The following CHRNA7 variants were observed in gnomAD, a reference collection of about 807,000 sequenced individuals.
CHRNA7 encodes cholinergic receptor nicotinic alpha 7 subunit, also known as neuronal acetylcholine receptor subunit alpha-7.
In CHRNA7, 17 loss-of-function variants were observed where a neutral mutation model predicts 48.0. The ratio of observed to expected loss-of-function variants is 0.35; its 90% CI spans 0.24 to 0.53. The LOEUF is 0.53. CHRNA7 is among the 20% of genes least tolerant of loss of function. The probability of loss-of-function intolerance (pLI) is 0.92; values close to 1 mark genes in which losing one functional copy is unlikely to be tolerated. For missense variants in CHRNA7, 155 were observed against 577.7 expected (o/e 0.27, Z 7.50); for synonymous variants, 75 against 242.3 (o/e 0.31, Z 6.41).
rs35118714 is a variant in CHRNA7, at chr15:32,066,284, ATT to A, written c.196-35005_196-35004del. Reference sequence around the variant, plus strand: ...CTTTCCAGATTTTTCACATTATAGTATTTTTTTTTTTTTTTGAGATGGAGTCT... The same window carrying A: ...CTTTCCAGATTTTTCACATTATAGTATTTTTTTTTTTTTGAGATGGAGTCT... On this transcript the variant is annotated intron_variant, in intron 2 of 9. Transcript: ENST00000306901. Among the ~76,000 whole-genome samples, 383 of 145,576 alleles carry A rather than the reference ATT, an allele frequency of 2.6e-3. 1 individual carries two copies. Among genetic ancestry groups the A allele is most frequent in the South Asian group, 0.02 (89 of 4,542 alleles).
rs139509839 is a variant in CHRNA7 at position 32,105,818 on chromosome 15, G to A, written c.240+4471G>A. Among the ~76,000 whole-genome samples the A allele has an allele frequency of 9.3e-3, 1,418 of 152,288 alleles. 11 individuals carry two copies. Among genetic ancestry groups the A allele is most frequent in the Non-Finnish European group, 0.014 (981 of 68,008 alleles). On this transcript the variant is annotated intron_variant, in intron 3 of 9. Coordinates refer to ENST00000306901, the MANE Select transcript of CHRNA7 (RefSeq NM_000746.6). Reference sequence around the variant, plus strand: ...GGGTGATAACATTTATCTGGAAAGCGGCACCTGTAGATGATCTAGCAGTTG... The same window carrying A: ...GGGTGATAACATTTATCTGGAAAGCAGCACCTGTAGATGATCTAGCAGTTG...
At chr15:32,116,680 G>GGAT (rs1282242466) in intron 4 of CHRNA7, among the ~76,000 whole-genome samples, 2 of 152,184 alleles carry the variant, frequency 1.3e-5, no homozygotes, top group African/African-American at 4.8e-5. Flanking sequence ...GCAACTCTGC[G>GGAT]GATGCCCCTA....
At chr15:32,150,095 A>T (rs920476141) in intron 4 of CHRNA7, among the ~76,000 whole-genome samples, 1 of 152,134 alleles carries the variant, frequency 6.6e-6, no homozygotes, top group East Asian at 1.9e-4. Flanking sequence ...TCTGTCTCCT[A>T]GGCTGGAGGA....
At chr15:32,142,712 G>T (rs963330177) in intron 4 of CHRNA7, among the ~76,000 whole-genome samples, 1 of 152,192 alleles carries the variant, frequency 6.6e-6, no homozygotes, top group African/African-American at 2.4e-5. Flanking sequence ...GTATAGAGGT[G>T]TTTATAGTAT....
intron 2 of CHRNA7, among the ~76,000 whole-genome samples, chr15:32,051,040 G>A (rs1483272117): frequency 1.5e-5 from 2 of 136,650 alleles, no homozygotes; most frequent in Non-Finnish European, 1.5e-5. Flanking sequence ...GCCGTGTGAG[G>A]TGTCAGTCTG....
chr15:32,144,708 G>A (rs567987747), intron 4 of CHRNA7, among the ~76,000 whole-genome samples: 10 of 152,066 alleles, frequency 6.6e-5, no homozygotes, highest in Middle Eastern at 3.4e-3. Flanking sequence ...TGATCGAATC[G>A]GCTATTGAAG....
chr15:32,150,948 G>T (rs555120976), intron 4 of CHRNA7, among the ~76,000 whole-genome samples: 48 of 150,020 alleles, frequency 3.2e-4, no homozygotes, highest in African/African-American at 9.0e-4. Context: ...TGGAAGTAAG[G>T]GGGGGGGATG....
intron 4 of CHRNA7, among the ~76,000 whole-genome samples, chr15:32,125,047 C>T (rs974156869): frequency 6.6e-6 from 1 of 152,114 alleles, no homozygotes; most frequent in Non-Finnish European, 1.5e-5. Context: ...GGGTGGATGC[C>T]CTAGCCGGAG....
intron 2 of CHRNA7, among the ~76,000 whole-genome samples, chr15:32,074,939 G>A (rs573444253): frequency 1.5e-4 from 23 of 152,216 alleles, no homozygotes; most frequent in African/African-American, 3.6e-4. Context: ...ATGTGCCACC[G>A]CGGCTGGCCA....
At position 32,101,572 on chromosome 15, in the gene CHRNA7, A is replaced by T. The variant is rs149059351; in HGVS notation, c.240+225A>T. The T allele has an allele frequency of 1.8e-4, 95 of 532,530 alleles. 2 individuals are homozygous for T. The Middle Eastern group carries it at 2.4e-3, about 13-fold the overall frequency. The allele number at this position is 532,530 out of a possible 1,614,324, so 33.0% of individuals were successfully genotyped here. The stretch of plus-strand genomic sequence containing the variant: ...CTCAACACATGCACAAGATCAACAC[A>T]TAGGACAAGGTAATGTGGGGACACT... On this transcript the variant is annotated intron_variant, in intron 3 of 9. Coordinates refer to ENST00000306901, the MANE Select transcript of CHRNA7 (RefSeq NM_000746.6).
chr15:32,065,437 C>A (rs1026842772), intron 2 of CHRNA7, among the ~76,000 whole-genome samples: 4 of 152,204 alleles, frequency 2.6e-5, no homozygotes, highest in African/African-American at 9.7e-5. Flanking sequence ...AAAGCCTTTT[C>A]CCTGGGTTGT....
intron 2 of CHRNA7, among the ~76,000 whole-genome samples, chr15:32,031,322 C>G (rs1595365284): frequency 6.6e-6 from 1 of 152,224 alleles, no homozygotes; most frequent in Admixed American, 6.5e-5. Flanking sequence ...GTTAGAAACT[C>G]AAGCATCCTG....
intron 2 of CHRNA7, among the ~76,000 whole-genome samples, chr15:32,097,592 AT>A: frequency 6.6e-6 from 1 of 152,254 alleles, no homozygotes; most frequent in African/African-American, 2.4e-5. Context: ...ACAAACTTCT[AT>A]TTTTTATAAG....
intron 2 of CHRNA7, among the ~76,000 whole-genome samples, chr15:32,049,155 A>G (rs978155629): frequency 2.6e-4 from 39 of 151,968 alleles, no homozygotes; most frequent in African/African-American, 7.7e-4. Flanking sequence ...GTAGATGTCT[A>G]TTAGGTCTGC....
intron 4 of CHRNA7, among the ~76,000 whole-genome samples, chr15:32,134,055 A>G (rs957564434): frequency 9.2e-5 from 14 of 152,222 alleles, no homozygotes; most frequent in African/African-American, 3.1e-4. Context: ...TGTGCAGGCA[A>G]TGCTGTGAGA....
intron 4 of CHRNA7, among the ~76,000 whole-genome samples, chr15:32,152,537 G>A (rs560472200): frequency 5.9e-4 from 90 of 152,334 alleles, no homozygotes; most frequent in African/African-American, 2.1e-3. Flanking sequence ...AGCAAGGGCC[G>A]TCCTTCATTG....
intron 2 of CHRNA7, among the ~76,000 whole-genome samples, chr15:32,074,116 G>A (rs1224398456): frequency 1.3e-5 from 2 of 150,894 alleles, no homozygotes; most frequent in African/African-American, 4.9e-5. Context: ...ATGTCCATAT[G>A]CTCATTGCTG....
chr15:32,149,348 G>A lies in CHRNA7; in HGVS notation c.351-4559G>A, dbSNP rs1375240257. ...ACTGGTGAGGGGGTCACTGTTGGCTGGCATCTGTCGGGCATCCCCGGGGAA... is the reference window on the plus strand; with the variant it reads ...ACTGGTGAGGGGGTCACTGTTGGCTAGCATCTGTCGGGCATCCCCGGGGAA... On this transcript the variant is annotated intron_variant, in intron 4 of 9. Coordinates refer to ENST00000306901, the MANE Select transcript of CHRNA7 (RefSeq NM_000746.6). This position sits in a 1 kb window ranked among gnomAD's most constrained non-coding sequence, Gnocchi z 4.6. Among the ~76,000 whole-genome samples the A allele has an allele frequency of 6.6e-6, 1 of 152,186 alleles. No individual in the cohort carries two copies. The highest frequency in any genetic ancestry group is 6.5e-5 in the Admixed American group (1 of 15,290).
Position 32,079,524 on chromosome 15 carries a change from A to G in CHRNA7, c.196-21779A>G, listed in dbSNP as rs879721704. ...ATAACAACAGACAGAGAGCCAAATC[A>G]TGAATGAACTCCCATTCACAATTGC... On this transcript the variant is annotated intron_variant, in intron 2 of 9. Transcript: ENST00000306901. Among the ~76,000 whole-genome samples the G allele has an allele frequency of 9.9e-5, 15 of 152,206 alleles. No individual in the cohort carries two copies. The South Asian group carries it at 1.0e-3, about 11-fold the overall frequency.
Sources: gnomAD v4.1 joint callset for allele counts (sites outside exome capture counted in the v4.1 genomes callset) on GRCh38, gnomAD v4.1.1 for gene constraint, Gnocchi (gnomAD v3.1) non-coding constraint, MANE v1.5 for transcripts, NCBI Gene and HGNC (gene_info 2026-07-23, HGNC 2026-07-21) for gene names.